The following LINC00632 variants were observed in gnomAD, a reference collection of about 807,000 sequenced individuals.
The protein encoded by LINC00632 is long independently transcribed non-coding RNA 632, also known as ALDOA related specific transcript.
At chrX:140,766,065 G>A (rs1464197340) in intron 3 of LINC00632, among the ~76,000 whole-genome samples, 2 of 111,719 alleles carry the variant, frequency 1.8e-5, no homozygotes, top group Admixed American at 1.9e-4. Context: ...CCCTTGAGGA[G>A]GTATCAAGCC....
chrX:140,747,972 C>T (rs75265288), intron 3 of LINC00632, among the ~76,000 whole-genome samples: 1 of 111,800 alleles, frequency 8.9e-6, no homozygotes, highest in Non-Finnish European at 1.9e-5. Flanking sequence ...GGCTTACAGG[C>T]GTGTGCCACC....
chrX:140,716,685 C>T (rs1294564107), intron 2 of LINC00632, among the ~76,000 whole-genome samples: 1 of 108,928 alleles, frequency 9.2e-6, no homozygotes. Context: ...AATTTGTGCA[C>T]AGGCTTGCTC....
At chrX:140,741,273 C>T (rs1845701357) in intron 3 of LINC00632, among the ~76,000 whole-genome samples, 1 of 111,998 alleles carries the variant, frequency 8.9e-6, no homozygotes, top group East Asian at 2.8e-4. Context: ...CAGCCAGGGG[C>T]TCTAGGGATC....
intron 2 of LINC00632, among the ~76,000 whole-genome samples, chrX:140,728,986 C>A (rs1931012057): frequency 9.0e-6 from 1 of 111,245 alleles, no homozygotes; most frequent in East Asian, 2.8e-4. Flanking sequence ...AACACTGAGA[C>A]ACACACCCTG....
At chrX:140,784,261 C>CT (rs1258611861) in exon 5 of LINC00632, 2 of 1,205,495 alleles carry the variant, frequency 1.7e-6, no homozygotes, top group Non-Finnish European at 2.2e-6. Flanking sequence ...CTACTTGTGT[C>CT]TTCCAACAAA....
chrX:140,768,749 A>G (rs1391087182), intron 3 of LINC00632, among the ~76,000 whole-genome samples: 2 of 99,630 alleles, frequency 2.0e-5, no homozygotes, highest in African/African-American at 7.3e-5. Flanking sequence ...TATATAACAT[A>G]TTTATCATAT....
chrX:140,742,868 AGAGAGAGAGAGG>A (rs1171164283), intron 3 of LINC00632, among the ~76,000 whole-genome samples: 9 of 95,533 alleles, frequency 9.4e-5, no homozygotes, highest in African/African-American at 3.4e-4. Flanking sequence ...AGAGAGAGAG[AGAGAGAGAGAGG>A]AAGGAAGGAA....
At chrX:140,769,754 G>A (rs1931759160) in intron 3 of LINC00632, among the ~76,000 whole-genome samples, 3 of 110,094 alleles carry the variant, frequency 2.7e-5, no homozygotes, top group African/African-American at 9.9e-5. Context: ...CTAATTCCAC[G>A]CGTACCCAGC....
intron 3 of LINC00632, among the ~76,000 whole-genome samples, chrX:140,747,393 T>A (rs983948779): frequency 1.8e-5 from 2 of 109,986 alleles, no homozygotes; most frequent in African/African-American, 6.6e-5. Flanking sequence ...CCGGGCATGG[T>A]GGCTGGAGAG....
At chrX:140,751,817 C>T (rs1252909823) in intron 3 of LINC00632, among the ~76,000 whole-genome samples, 1 of 111,646 alleles carries the variant, frequency 9.0e-6, no homozygotes, top group Non-Finnish European at 1.9e-5. Context: ...CAGTTCCCTG[C>T]AGCAACTCAG....
chrX:140,784,128 T>A (rs1416902350), exon 5 of LINC00632: 2 of 1,207,202 alleles, frequency 1.7e-6, no homozygotes, highest in Admixed American at 2.2e-5. Flanking sequence ...TTCCAGAAAA[T>A]CCTTGTCTTC....
exon 5 of LINC00632, among the ~76,000 whole-genome samples, chrX:140,790,835 T>TTATC (rs1331100419): frequency 8.9e-6 from 1 of 112,049 alleles, no homozygotes; most frequent in Middle Eastern, 4.2e-3. Context: ...TATTTAATAT[T>TTATC]TATCTTGTAT....
At position 140,722,964 on chromosome X, in the gene LINC00632, G is replaced by T. The variant is rs192495235; in HGVS notation, n.105-10914G>T. The stretch of plus-strand genomic sequence containing the variant: ...CTCGGGAGGCTGAGGCAGGAGAATC[G>T]CTTGAACCCGGGAGGCAGAGGTTGC... On this transcript the variant is annotated intron_variant and non_coding_transcript_variant, in intron 2 of 4. Coordinates refer to ENST00000648200, the Ensembl canonical transcript of LINC00632. Among the ~76,000 whole-genome samples, 179 of 107,052 alleles carry T rather than the reference G, an allele frequency of 1.7e-3. 1 individual carries two copies. The Middle Eastern group carries it at 0.02, about 12-fold the overall frequency. The allele number at this position is 107,052 out of a possible 115,157, so 93.0% of individuals were successfully genotyped here.
At chrX:140,788,353 A>G (rs1028872509) in exon 5 of LINC00632, among the ~76,000 whole-genome samples, 7 of 110,246 alleles carry the variant, frequency 6.3e-5, no homozygotes, top group Non-Finnish European at 1.1e-4. Flanking sequence ...TAATGAGTAA[A>G]AATAAAAGAG....
chrX:140,723,631 A>G (rs1930799481), intron 2 of LINC00632, among the ~76,000 whole-genome samples: 3 of 55,245 alleles, frequency 5.4e-5, no homozygotes, highest in African/African-American at 7.1e-5. Context: ...CACATTCCAT[A>G]CACACACACA....
intron 3 of LINC00632, among the ~76,000 whole-genome samples, chrX:140,750,584 AAAT>A (rs1261084112): frequency 4.5e-5 from 5 of 111,276 alleles, no homozygotes; most frequent in African/African-American, 1.3e-4. Context: ...GGTCAACTAA[AAAT>A]AAGTTAATTT....
intron 3 of LINC00632, among the ~76,000 whole-genome samples, chrX:140,741,319 T>C (rs974267305): frequency 8.0e-5 from 9 of 112,166 alleles, no homozygotes; most frequent in African/African-American, 2.9e-4. Flanking sequence ...CTCTGACCCA[T>C]GAATACAGAG....
intron 2 of LINC00632, among the ~76,000 whole-genome samples, chrX:140,717,994 G>C (rs1435185992): frequency 2.7e-5 from 3 of 109,845 alleles, no homozygotes; most frequent in Non-Finnish European, 5.7e-5. Flanking sequence ...AAATTAGCCG[G>C]GTGTGGTGGC....
At chrX:140,771,290 G>T (rs1006813654) in intron 3 of LINC00632, among the ~76,000 whole-genome samples, 2 of 97,395 alleles carry the variant, frequency 2.1e-5, no homozygotes, top group East Asian at 7.2e-4. Flanking sequence ...AATAAAATTC[G>T]AAAGTAAATG....
Sources: gnomAD v4.1 joint callset for allele counts (sites outside exome capture counted in the v4.1 genomes callset) on GRCh38, gnomAD v4.1.1 for gene constraint, MANE v1.5 for transcripts, NCBI Gene and HGNC (gene_info 2026-07-23, HGNC 2026-07-21) for gene names.